The following PCMTD2 variants were observed in gnomAD, a reference collection of about 807,000 sequenced individuals.
PCMTD2 encodes the protein protein-L-isoaspartate (D-aspartate) O-methyltransferase domain containing 2.
PCMTD2 carries 16 observed loss-of-function variants against 33.4 expected under a neutral mutation model. The observed-to-expected ratio is 0.48, with a 90% CI of 0.32 to 0.73. PCMTD2 has a LOEUF of 0.73. PCMTD2 is among the 30% of genes least tolerant of loss of function. The probability of loss-of-function intolerance (pLI) is 0.03; values close to 1 mark genes in which losing one functional copy is unlikely to be tolerated. For synonymous variants in PCMTD2, 161 were observed against 160.8 expected, an observed-to-expected ratio of 1.00 and a Z score of -0.01; for missense variants, 374 against 449.9, an observed-to-expected ratio of 0.83 and a Z score of 1.53.
Position 64,273,471 on chromosome 20 carries a change from G to GGAA in PCMTD2, c.966_968dup (p.Glu323dup). On this transcript the variant is annotated inframe_insertion, in exon 6 of 6. Transcript: ENST00000308824. ...GTGAAGACTTGGAAGAGGAACGGAG[G>GGAA]GAAGAAGAAGAGAAGACCCCGCCGG... 1 of 1,612,738 alleles carries GGAA rather than the reference G, an allele frequency of 6.2e-7. No individual in the cohort carries two copies. The highest frequency in any genetic ancestry group is 1.3e-5 in the African/African-American group (1 of 74,818).
chr20:64,268,502 C>T (rs1985750854), intron 5 of PCMTD2, among the ~76,000 whole-genome samples: 1 of 152,158 alleles, frequency 6.6e-6, no homozygotes, highest in Admixed American at 6.5e-5. Flanking sequence ...ACAGCCGAGC[C>T]TTTGTGTTTC....
rs1281439649 is a variant in PCMTD2 at position 64,275,512 on chromosome 20, TAG to T, written c.*1914_*1915del. On this transcript the variant is annotated 3_prime_UTR_variant, in exon 6 of 6. Transcript: ENST00000308824. ...TAAGACATGTTTTTCCTTCATATGC[TAG>T]ACTTTTCCTAGCATTTCGTATTTCT... 1.3e-5 allele frequency: 2 copies of T among 152,240 alleles called. No individual in the cohort carries two copies. The highest frequency in any genetic ancestry group is 1.3e-4 in the Admixed American group (2 of 15,294). The allele number at this position is 152,240 out of a possible 1,614,324, so 9.4% of individuals were successfully genotyped here. A position where few individuals can be genotyped will look rare whatever the true frequency, so the allele number is the denominator to read the frequency against.
At chr20:64,257,024 A>C (rs1317918965) in intron 1 of PCMTD2, 1 of 152,184 alleles carries the variant, frequency 6.6e-6, no homozygotes, top group East Asian at 1.9e-4. Flanking sequence ...GTCCCTTTGC[A>C]TTGCTTGTAA....
At chr20:64,260,626 C>G (rs1985372450) in intron 2 of PCMTD2, among the ~76,000 whole-genome samples, 1 of 151,868 alleles carries the variant, frequency 6.6e-6, no homozygotes, top group Middle Eastern at 3.5e-3. Context: ...CTCATTCTTC[C>G]TTGTCACTCC....
At chr20:64,269,898 G>A (rs1985823358) in intron 5 of PCMTD2, among the ~76,000 whole-genome samples, 3 of 146,354 alleles carry the variant, frequency 2.0e-5, no homozygotes, top group African/African-American at 7.6e-5. Flanking sequence ...TGTGAGTGCG[G>A]GCATGCATGG....
At chr20:64,268,049 C>G (rs1455596244) in intron 5 of PCMTD2, 39 bp downstream of exon 5, 12 of 1,454,406 alleles carry the variant, frequency 8.3e-6, no homozygotes, top group Non-Finnish European at 1.0e-5. Context: ...TCTTTTAGAT[C>G]TTTTCTCTCT....
At chr20:64,263,628 A>G (rs1985525373) in intron 2 of PCMTD2, among the ~76,000 whole-genome samples, 1 of 152,218 alleles carries the variant, frequency 6.6e-6, no homozygotes, top group Non-Finnish European at 1.5e-5. Context: ...GTGGACTTTT[A>G]CATATGCATC....
In PCMTD2 at chr20:64,273,427, C is replaced by A; in HGVS notation, c.913C>A (p.Pro305Thr). 1 of 1,614,022 alleles carries A rather than the reference C, an allele frequency of 6.2e-7. No homozygotes were observed. The highest frequency in any genetic ancestry group is 8.5e-7 in the Non-Finnish European group (1 of 1,179,930). ...AGTCTTTGCCAGTCGGATTTCCAAC[C>A]CCTCAGATGACAACAGCTGTGAAGA... The part of the protein sequence containing the change: ...KEVFASRISN[P>T]SDDNSCEDLE... Residue 305 changes from proline (P) to threonine (T), a missense_variant, in exon 6 of 6, where the codon CCC becomes ACC. Transcript: ENST00000308824.
chr20:64,266,840 G>A (rs1985681125), intron 4 of PCMTD2, among the ~76,000 whole-genome samples: 1 of 152,148 alleles, frequency 6.6e-6, no homozygotes, highest in African/African-American at 2.4e-5. Context: ...ATATGAAATA[G>A]GGGTTTATAT....
Position 64,260,612 on chromosome 20 carries a change from ATCAC to A in PCMTD2, c.307+344_307+347del, listed in dbSNP as rs536748140. Among the ~76,000 whole-genome samples the A allele has an allele frequency of 3.3e-3, 503 of 151,410 alleles. 2 individuals are homozygous for A. Among genetic ancestry groups the A allele is most frequent in the Middle Eastern group, 0.014 (4 of 292 alleles). On this transcript the variant is annotated intron_variant, in intron 2 of 5. Coordinates refer to ENST00000308824, the MANE Select transcript of PCMTD2 (RefSeq NM_018257.3). ...CACTGTGATTTCTCGATTTAATTTT[ATCAC>A]TCATTCTTCCTTGTCACTCCTTCTC...
At chr20:64,260,749 A>T (rs1310239394) in intron 2 of PCMTD2, among the ~76,000 whole-genome samples, 1 of 124,038 alleles carries the variant, frequency 8.1e-6, no homozygotes, top group African/African-American at 3.2e-5. Flanking sequence ...CCCATCGTCT[A>T]GGCTGGAGTG....
chr20:64,256,225 A>G (rs1432494363), intron 1 of PCMTD2, among the ~76,000 whole-genome samples: 1 of 152,206 alleles, frequency 6.6e-6, no homozygotes, highest in Non-Finnish European at 1.5e-5. Context: ...TTTAGAACAA[A>G]GTCTGCCTTG....
chr20:64,268,717 T>A (rs563855118), intron 5 of PCMTD2, among the ~76,000 whole-genome samples: 1 of 135,660 alleles, frequency 7.4e-6, no homozygotes, highest in Non-Finnish European at 1.6e-5. Context: ...AAGTTTTGCA[T>A]AGTCTTACAA....
intron 1 of PCMTD2, chr20:64,257,179 A>G (rs1456434751): frequency 2.0e-5 from 3 of 152,226 alleles, no homozygotes; most frequent in African/African-American, 4.8e-5. Flanking sequence ...GTGACATCCA[A>G]GTTGGAATGT....
chr20:64,259,669 C>T (rs916946092), intron 1 of PCMTD2, among the ~76,000 whole-genome samples: 3 of 152,142 alleles, frequency 2.0e-5, no homozygotes, highest in African/African-American at 4.8e-5. Context: ...GGATTACAGT[C>T]ATGACCCACC....
chr20:64,261,752 T>C (rs755559408), intron 2 of PCMTD2, among the ~76,000 whole-genome samples: 55 of 152,336 alleles, frequency 3.6e-4, no homozygotes, highest in Non-Finnish European at 6.3e-4. Flanking sequence ...CAATTGAGAC[T>C]GTTGTGATCC....
chr20:64,265,294 T>A lies in PCMTD2; in HGVS notation c.447T>A (p.Asn149Lys). ...GTGAACCTTCCTTTGTTACTGGGAA[T>A]TGCCTGGAGATTTCTCCGGATTGTT... ...DFCEPSFVTG[N>K]CLEISPDCSQ... Residue 149 changes from asparagine to lysine, a missense_variant, in exon 4 of 6, where the codon AAT becomes AAA. Transcript: ENST00000308824. 6.2e-7 allele frequency: 1 copy of A among 1,605,426 alleles called. No individual in the cohort carries two copies. Among genetic ancestry groups the A allele is most frequent in the Non-Finnish European group, 8.5e-7 (1 of 1,177,620 alleles).
chr20:64,264,666 T>C, intron 3 of PCMTD2, 135 bp downstream of exon 3: 1 of 609,366 alleles, frequency 1.6e-6, no homozygotes, highest in Non-Finnish European at 2.9e-6. Flanking sequence ...CCTGTTCTAA[T>C]TTTCAGAAAA....
chr20:64,269,857 G>GC (rs58774429), intron 5 of PCMTD2, among the ~76,000 whole-genome samples: 1 of 145,964 alleles, frequency 6.9e-6, no homozygotes, highest in African/African-American at 2.6e-5. Flanking sequence ...GCTGGCGTGT[G>GC]GGGGGTGTGG....
Sources: allele counts gnomAD v4.1 joint callset (sites outside exome capture counted in the v4.1 genomes callset), GRCh38; gene constraint gnomAD v4.1.1; transcripts MANE v1.5; gene names NCBI Gene and HGNC (gene_info 2026-07-23, HGNC 2026-07-21).